UVRAG: variants seen among roughly 807,000 people sequenced by gnomAD.
UVRAG encodes UV radiation resistance-associated gene protein.
Under a neutral mutation model 78.0 loss-of-function variants are expected in UVRAG, and 19 were observed. The ratio of observed to expected loss-of-function variants is 0.24; its 90% confidence interval spans 0.17 to 0.36. The LOEUF is 0.36. Among genes scored for constraint, UVRAG ranks in the 10% least tolerant of loss-of-function variants. The pLI is 1.00. For missense variants in UVRAG, 740 were observed against 853.8 expected (o/e 0.87, Z 1.66); for synonymous variants, 323 against 324.6 (o/e 1.00, Z 0.05).
chr11:75,947,938 T>C (rs1310199885), intron 6 of UVRAG, among the ~76,000 whole-genome samples: 1 of 152,216 alleles, frequency 6.6e-6, no homozygotes, highest in East Asian at 1.9e-4. Flanking sequence ...AAATATATTC[T>C]ATGTGCCAGG....
chr11:75,822,737 A>T (rs759023124), intron 1 of UVRAG, among the ~76,000 whole-genome samples: 1 of 151,686 alleles, frequency 6.6e-6, no homozygotes, highest in African/African-American at 2.4e-5. Context: ...TATCATAGGG[A>T]ACAGTATGGG....
chr11:76,020,768 C>T (rs1005075361), intron 12 of UVRAG, among the ~76,000 whole-genome samples: 2 of 150,794 alleles, frequency 1.3e-5, no homozygotes, highest in African/African-American at 4.9e-5. Context: ...CCTCTAAGGC[C>T]AGCACTAGCA....
At chr11:76,090,193 T>A (rs1951670330) in intron 13 of UVRAG, among the ~76,000 whole-genome samples, 1 of 152,312 alleles carries the variant, frequency 6.6e-6, no homozygotes, top group Admixed American at 6.5e-5. Context: ...GTTCTGCCAG[T>A]CTACAGAGGC....
chr11:76,057,111 C>T (rs1038585015), intron 12 of UVRAG, among the ~76,000 whole-genome samples: 57 of 152,214 alleles, frequency 3.7e-4, no homozygotes, highest in African/African-American at 1.3e-3. Flanking sequence ...GCTTTAGCCA[C>T]GTAAGGCCCT....
intron 13 of UVRAG, among the ~76,000 whole-genome samples, chr11:76,101,536 T>G (rs1951879829): frequency 6.6e-6 from 1 of 152,190 alleles, no homozygotes; most frequent in East Asian, 1.9e-4. Flanking sequence ...GGTTGTCTGT[T>G]TACTCTGTTG....
At chr11:75,844,341 C>T (rs970142614) in intron 1 of UVRAG, among the ~76,000 whole-genome samples, 1 of 151,846 alleles carries the variant, frequency 6.6e-6, no homozygotes, top group Non-Finnish European at 1.5e-5. Flanking sequence ...CATTCTCCTG[C>T]CTCAGCCTCC....
At chr11:75,965,214 C>A (rs1304023177) in intron 7 of UVRAG, among the ~76,000 whole-genome samples, 1 of 152,216 alleles carries the variant, frequency 6.6e-6, no homozygotes, top group Non-Finnish European at 1.5e-5. Flanking sequence ...GTCCTTCAAT[C>A]CGTGAACATG....
In UVRAG at chr11:75,893,876, G is replaced by T. The variant is rs78548129; in HGVS notation, c.507+4973G>T. Among the ~76,000 whole-genome samples, 626 of 151,674 alleles carry T rather than the reference G, an allele frequency of 4.1e-3. 3 individuals are homozygous for T. Among genetic ancestry groups the T allele is most frequent in the African/African-American group, 0.014 (583 of 41,388 alleles). On this transcript the variant is annotated intron_variant, in intron 5 of 14. Coordinates refer to ENST00000356136, the MANE Select transcript of UVRAG (RefSeq NM_003369.4). ...AGAGCATTTTATTGATTGAGACAGA[G>T]TCTCACTCTGTTGCCCAGTCCCACC...
chr11:76,020,021 C>T (rs190940241), intron 12 of UVRAG, among the ~76,000 whole-genome samples: 3 of 152,288 alleles, frequency 2.0e-5, no homozygotes, highest in African/African-American at 4.8e-5. Context: ...TATTCTATTG[C>T]GGCTAAGCTG....
At chr11:75,950,963 T>TACACACACACACACACACACAC (rs35864936) in intron 6 of UVRAG, among the ~76,000 whole-genome samples, 11 of 140,052 alleles carry the variant, frequency 7.9e-5, no homozygotes, top group African/African-American at 2.9e-4. Flanking sequence ...TTGTCAGGTG[T>TACACACACACACACACACACAC]ACACACACAC....
chr11:76,139,570 G>A (rs1019636128), intron 14 of UVRAG, among the ~76,000 whole-genome samples: 4 of 152,090 alleles, frequency 2.6e-5, no homozygotes, highest in African/African-American at 4.8e-5. Flanking sequence ...TCTGAAGCAC[G>A]CAAGTCAAAT....
At chr11:76,056,308 T>C (rs1000056833) in intron 12 of UVRAG, among the ~76,000 whole-genome samples, 1 of 152,262 alleles carries the variant, frequency 6.6e-6, no homozygotes, top group Non-Finnish European at 1.5e-5. Context: ...GCTGTGAACA[T>C]TTTTGTACAT....
intron 3 of UVRAG, among the ~76,000 whole-genome samples, chr11:75,877,424 G>A (rs148078436): frequency 0.018 from 2,782 of 151,820 alleles, 80 homozygotes; most frequent in African/African-American, 0.063. Flanking sequence ...CAGTAGGGGC[G>A]GCCGGGCAGA....
chr11:76,026,596 T>C (rs1019628960), intron 12 of UVRAG, among the ~76,000 whole-genome samples: 1 of 152,130 alleles, frequency 6.6e-6, no homozygotes, highest in Non-Finnish European at 1.5e-5. Context: ...ACATTTCTTA[T>C]AACCTTTCAT....
intron 7 of UVRAG, among the ~76,000 whole-genome samples, chr11:75,976,466 G>C (rs1167292274): frequency 6.6e-6 from 1 of 152,106 alleles, no homozygotes; most frequent in Admixed American, 6.6e-5. Context: ...TTGTGCCTCT[G>C]GTAGAATTTG....
At chr11:75,990,427 T>A (rs1362721581) in intron 8 of UVRAG, among the ~76,000 whole-genome samples, 1 of 152,184 alleles carries the variant, frequency 6.6e-6, no homozygotes, top group African/African-American at 2.4e-5. Flanking sequence ...AATATGATGA[T>A]CAGATGAGTT....
intron 1 of UVRAG, among the ~76,000 whole-genome samples, chr11:75,823,765 G>A (rs1945452085): frequency 6.6e-6 from 1 of 152,272 alleles, no homozygotes; most frequent in Admixed American, 6.5e-5. Context: ...GGACCATCAG[G>A]CTTTATATTT....
intron 1 of UVRAG, among the ~76,000 whole-genome samples, chr11:75,825,595 T>C (rs7948641): frequency 0.026 from 3,990 of 152,280 alleles, 165 homozygotes; most frequent in African/African-American, 0.087. Context: ...TATTTTAAGA[T>C]GGAAACATGA....
chr11:75,928,252 T>C (rs558127589), intron 6 of UVRAG, among the ~76,000 whole-genome samples: 1 of 152,316 alleles, frequency 6.6e-6, no homozygotes. Context: ...AACTGTCTAC[T>C]GCAAAACCTC....
Sources: allele counts gnomAD v4.1 joint callset (sites outside exome capture counted in the v4.1 genomes callset), GRCh38; gene constraint gnomAD v4.1.1; transcripts MANE v1.5; gene names NCBI Gene and HGNC (gene_info 2026-07-23, HGNC 2026-07-21).